The following ENOX1 variants were observed in gnomAD, a reference collection of about 807,000 sequenced individuals.
ENOX1 encodes the protein candidate growth-related and time keeping constitutive hydroquinone (NADH) oxidase.
Under a neutral mutation model 82.5 loss-of-function variants are expected in ENOX1, and 42 were observed. The observed-to-expected ratio is 0.51, with a 90% CI of 0.40 to 0.66. ENOX1 has a LOEUF of 0.66. ENOX1 is among the 30% of genes least tolerant of loss of function. The probability of loss-of-function intolerance (pLI) is 0.00; values close to 1 mark genes in which losing one functional copy is unlikely to be tolerated. For synonymous variants in ENOX1, 271 were observed against 282.2 expected (o/e 0.96, Z 0.40); for missense variants, 608 against 811.6 (o/e 0.75, Z 3.05).
At chr13:43,717,862 G>A (rs1414341414) in intron 1 of ENOX1, among the ~76,000 whole-genome samples, 4 of 152,046 alleles carry the variant, frequency 2.6e-5, no homozygotes, top group Admixed American at 6.6e-5. Context: ...TCAGAATGGC[G>A]ATTATTAAAA....
At chr13:43,270,936 C>A (rs970545148) in intron 12 of ENOX1, among the ~76,000 whole-genome samples, 1 of 152,136 alleles carries the variant, frequency 6.6e-6, no homozygotes, top group African/African-American at 2.4e-5. Flanking sequence ...AACCAAGGAG[C>A]CCATTTTGCA....
In ENOX1 at chr13:43,628,899, C is replaced by T. The variant is rs542798068; in HGVS notation, c.-219+38580G>A. On this transcript the variant is annotated intron_variant, in intron 2 of 16. Transcript: ENST00000690772. ...TTGGGGTTTCTAGATCTCTCTGTGG[C>T]CTCCTCAGACACTGATGTGAGGGTA... 5.1e-4 allele frequency among the ~76,000 whole-genome samples: 78 copies of T among 152,296 alleles called. 1 individual carries two copies. The highest frequency in any genetic ancestry group is 1.8e-3 in the African/African-American group (74 of 41,562).
chr13:43,610,555 C>T (rs759631021), intron 2 of ENOX1, among the ~76,000 whole-genome samples: 12 of 152,134 alleles, frequency 7.9e-5, no homozygotes, highest in African/African-American at 1.7e-4. Context: ...GATTAGTTCA[C>T]GCACTAAATG....
At chr13:43,451,752 A>G (rs1016067027) in intron 3 of ENOX1, among the ~76,000 whole-genome samples, 1 of 152,234 alleles carries the variant, frequency 6.6e-6, no homozygotes. Flanking sequence ...GCCTTGCAGT[A>G]CTGTTTCTAT....
chr13:43,660,762 T>C (rs1283575122), intron 2 of ENOX1, among the ~76,000 whole-genome samples: 1 of 152,204 alleles, frequency 6.6e-6, no homozygotes, highest in Non-Finnish European at 1.5e-5. Flanking sequence ...AAAAAGGACC[T>C]TAAACTCCAT....
chr13:43,742,382 G>A (rs1217716751), intron 1 of ENOX1, among the ~76,000 whole-genome samples: 1 of 151,948 alleles, frequency 6.6e-6, no homozygotes, highest in Admixed American at 6.6e-5. Flanking sequence ...AAAGACAGGA[G>A]AAAATGGATA....
At chr13:43,496,111 C>A (rs533810019) in intron 2 of ENOX1, among the ~76,000 whole-genome samples, 1 of 151,994 alleles carries the variant, frequency 6.6e-6, no homozygotes, top group East Asian at 1.9e-4. Context: ...TTTGCCCTTT[C>A]TGTGGCTTGC....
At chr13:43,228,486 A>G (rs971151131) in intron 15 of ENOX1, among the ~76,000 whole-genome samples, 3 of 152,252 alleles carry the variant, frequency 2.0e-5, no homozygotes, top group Non-Finnish European at 4.4e-5. Context: ...CAGAATCTTA[A>G]AAACTACTTT....
chr13:43,522,532 A>T (rs1003396544), intron 2 of ENOX1, among the ~76,000 whole-genome samples: 2 of 152,146 alleles, frequency 1.3e-5, no homozygotes, highest in African/African-American at 4.8e-5. Flanking sequence ...GAAGGAGATA[A>T]GATTGGAACC....
At chr13:43,561,193 T>A (rs1230636559) in intron 2 of ENOX1, among the ~76,000 whole-genome samples, 2 of 8,026 alleles carry the variant, frequency 2.5e-4, no homozygotes. Context: ...CTACCTCTTA[T>A]CATCACCCCA....
At chr13:43,737,512 C>T (rs2089691329) in intron 1 of ENOX1, among the ~76,000 whole-genome samples, 2 of 152,168 alleles carry the variant, frequency 1.3e-5, no homozygotes, top group East Asian at 3.8e-4. Context: ...TTGGTTCAGA[C>T]CTTCAGTGAA....
intron 8 of ENOX1, 36 bp downstream of exon 8, chr13:43,355,883 T>C (rs1247813896): frequency 1.9e-6 from 3 of 1,581,470 alleles, no homozygotes; most frequent in Non-Finnish European, 1.7e-6. Flanking sequence ...TGGGGATCCC[T>C]GTGGAGGAAG....
intron 3 of ENOX1, among the ~76,000 whole-genome samples, chr13:43,470,599 C>A (rs984828651): frequency 6.6e-6 from 1 of 150,828 alleles, no homozygotes; most frequent in East Asian, 1.9e-4. Flanking sequence ...TAATAAAATA[C>A]TTGTTTATAT....
chr13:43,308,640 G>T (rs918272558), intron 11 of ENOX1, among the ~76,000 whole-genome samples: 3 of 152,220 alleles, frequency 2.0e-5, no homozygotes, highest in African/African-American at 7.2e-5. Flanking sequence ...TTACAGGCCA[G>T]TGGTTTTCAA....
intron 2 of ENOX1, among the ~76,000 whole-genome samples, chr13:43,565,957 G>A (rs2079899710): frequency 6.6e-6 from 1 of 152,158 alleles, no homozygotes; most frequent in Non-Finnish European, 1.5e-5. Context: ...TTTTTAACGA[G>A]ATTTTTCTAT....
chr13:43,276,133 A>G (rs1213457956), intron 12 of ENOX1, among the ~76,000 whole-genome samples: 1 of 152,206 alleles, frequency 6.6e-6, no homozygotes, highest in Non-Finnish European at 1.5e-5. Context: ...TGTCCTACTC[A>G]GTGGGATAAT....
At chr13:43,780,940 T>C (rs1192260943) in intron 1 of ENOX1, among the ~76,000 whole-genome samples, 5 of 152,176 alleles carry the variant, frequency 3.3e-5, no homozygotes, top group South Asian at 2.1e-4. Context: ...GATAATTACA[T>C]TGGGGCCAGC....
chr13:43,281,039 C>T (rs1170330358), intron 12 of ENOX1, among the ~76,000 whole-genome samples: 2 of 152,158 alleles, frequency 1.3e-5, no homozygotes, highest in African/African-American at 4.8e-5. Flanking sequence ...CAAGTTTCAC[C>T]TATGCCCTAA....
At chr13:43,645,074 T>C (rs1032486835) in intron 2 of ENOX1, among the ~76,000 whole-genome samples, 9 of 152,188 alleles carry the variant, frequency 5.9e-5, no homozygotes, top group Non-Finnish European at 1.3e-4. Flanking sequence ...ATGTATCAAA[T>C]AATAGTTTTC....
Sources: allele counts gnomAD v4.1 joint callset (sites outside exome capture counted in the v4.1 genomes callset), GRCh38; gene constraint gnomAD v4.1.1; transcripts MANE v1.5; gene names NCBI Gene and HGNC (gene_info 2026-07-23, HGNC 2026-07-21).